The following ARHGAP40 variants were observed in gnomAD, a reference collection of about 807,000 sequenced individuals.
The protein encoded by ARHGAP40 is Rho GTPase activating protein 40.
Under a neutral mutation model 73.5 loss-of-function variants are expected in ARHGAP40, and 43 were observed. The ratio of observed to expected loss-of-function variants is 0.58; its 90% CI spans 0.46 to 0.75. The LOEUF is 0.75. Ranked by LOEUF, ARHGAP40 falls within the 30% of genes least tolerant of loss-of-function variation. ARHGAP40 has a pLI of 0.00. For missense variants in ARHGAP40, 734 were observed against 861.8 expected, an observed-to-expected ratio of 0.85 and a Z score of 1.86; for synonymous variants, 300 against 352.8, an observed-to-expected ratio of 0.85 and a Z score of 1.68.
At chr20:38,633,122 C>CA (rs55980432) in intron 5 of ARHGAP40, among the ~76,000 whole-genome samples, 7,919 of 135,400 alleles carry the variant, frequency 0.058, 332 homozygotes, top group African/African-American at 0.14. Context: ...GACTCCGTCT[C>CA]AAAAAAAAAA....
At chr20:38,602,490 G>A (rs1601129069) in intron 1 of ARHGAP40, among the ~76,000 whole-genome samples, 2 of 152,252 alleles carry the variant, frequency 1.3e-5, no homozygotes, top group South Asian at 2.1e-4. Context: ...TGGTCACCTC[G>A]GCTGAGAACT....
chr20:38,647,732 AACAG>A (rs1368482337), intron 13 of ARHGAP40, among the ~76,000 whole-genome samples: 1 of 152,232 alleles, frequency 6.6e-6, no homozygotes, highest in African/African-American at 2.4e-5. Flanking sequence ...CCATGAAAAG[AACAG>A]ACAGAGGCCC....
intron 2 of ARHGAP40, among the ~76,000 whole-genome samples, chr20:38,625,403 C>A (rs1015107566): frequency 6.6e-6 from 1 of 151,030 alleles, no homozygotes; most frequent in Non-Finnish European, 1.5e-5. Context: ...TTTTTTTTTC[C>A]TTTCTTTTCT....
chr20:38,614,875 T>A, intron 1 of ARHGAP40: 1 of 1,207,740 alleles, frequency 8.3e-7, no homozygotes, highest in Non-Finnish European at 1.2e-6. Flanking sequence ...GTCCTGAGCG[T>A]CACATCCCCC....
In ARHGAP40 at chr20:38,629,496, C is replaced by T; in HGVS notation, c.635-6C>T. The T allele has an allele frequency of 7.7e-7, 1 of 1,305,338 alleles. No homozygotes were observed. The highest frequency in any genetic ancestry group is 1.5e-5 in the African/African-American group (1 of 66,008). 80.9% of individuals were successfully genotyped at this position (1,305,338 alleles called of 1,614,324 possible). A position where few individuals can be genotyped will look rare whatever the true frequency, so the allele number is the denominator to read the frequency against. On this transcript the variant is annotated splice_region_variant and splice_polypyrimidine_tract_variant and intron_variant, in intron 4 of 14. Coordinates refer to ENST00000373345, the Ensembl canonical transcript of ARHGAP40. ...CTTTCTCTGCTTTGTTTCCCCCGCC[C>T]CGCAGCAGCAGAGCCTGGGGGGCTG...
intron 1 of ARHGAP40, among the ~76,000 whole-genome samples, chr20:38,605,766 CA>C (rs2088767628): frequency 2.0e-5 from 3 of 152,290 alleles, no homozygotes; most frequent in Admixed American, 2.0e-4. Context: ...ATCTATGATC[CA>C]ATCCATGCAC....
chr20:38,617,150 C>T (rs2088845455), intron 1 of ARHGAP40, among the ~76,000 whole-genome samples: 1 of 152,176 alleles, frequency 6.6e-6, no homozygotes, highest in Admixed American at 6.5e-5. Context: ...CAGGTCCAGG[C>T]TGAGCTGACC....
rs150541438 is a variant in ARHGAP40 at position 38,628,333 on chromosome 20, C to T, written c.559-594C>T. 8.9e-3 allele frequency among the ~76,000 whole-genome samples: 1,354 copies of T among 151,750 alleles called. 22 individuals are homozygous for T. Among genetic ancestry groups the T allele is most frequent in the African/African-American group, 0.031 (1,277 of 41,318 alleles). ...CCTTTTTTTTTTTTTGAGACTGAGCCTCGCTCTGTCGCCCAGGCTAGAGTG... is the reference window on the plus strand; with the variant it reads ...CCTTTTTTTTTTTTTGAGACTGAGCTTCGCTCTGTCGCCCAGGCTAGAGTG... On this transcript the variant is annotated intron_variant, in intron 3 of 14. Transcript: ENST00000373345.
chr20:38,619,147 C>T (rs1203636631), intron 1 of ARHGAP40, among the ~76,000 whole-genome samples: 4 of 152,094 alleles, frequency 2.6e-5, no homozygotes, highest in African/African-American at 9.7e-5. Context: ...CAGGACATTC[C>T]AGGCAGAGGG....
chr20:38,621,736 T>G (rs1468308131), intron 1 of ARHGAP40, among the ~76,000 whole-genome samples: 1 of 152,212 alleles, frequency 6.6e-6, no homozygotes, highest in East Asian at 1.9e-4. Context: ...CATATTGATT[T>G]TATAAGGGAA....
chr20:38,649,924 A>G, exon 15 of ARHGAP40: 1 of 1,090,018 alleles, frequency 9.2e-7, no homozygotes, highest in Non-Finnish European at 1.3e-6. Context: ...ACCCAGCATG[A>G]GAACAAAGCT....
chr20:38,627,320 G>A, intron 3 of ARHGAP40, 105 bp downstream of exon 3: 1 of 1,043,538 alleles, frequency 9.6e-7, no homozygotes, highest in Non-Finnish European at 1.3e-6. Flanking sequence ...GTGTTGGTGT[G>A]TGTATGTGTG....
chr20:38,603,874 T>C (rs1429220350), intron 1 of ARHGAP40, among the ~76,000 whole-genome samples: 1 of 152,200 alleles, frequency 6.6e-6, no homozygotes, highest in African/African-American at 2.4e-5. Flanking sequence ...GACTCTGACC[T>C]CCACAGTCAT....
intron 7 of ARHGAP40, among the ~76,000 whole-genome samples, 180 bp from the exon 8 acceptor site, chr20:38,638,581 G>A (rs975150412): frequency 1.3e-5 from 2 of 152,166 alleles, no homozygotes; most frequent in Non-Finnish European, 2.9e-5. Flanking sequence ...TGAGAAAAAT[G>A]TGTATGAAGC....
intron 10 of ARHGAP40, among the ~76,000 whole-genome samples, chr20:38,642,110 T>A (rs2089022445): frequency 6.6e-6 from 1 of 152,200 alleles, no homozygotes; most frequent in Non-Finnish European, 1.5e-5. Context: ...AGGTTAAGAA[T>A]ACTTTTCTCC....
At chr20:38,637,313 T>C (rs2088981214) in intron 6 of ARHGAP40, among the ~76,000 whole-genome samples, 1 of 152,058 alleles carries the variant, frequency 6.6e-6, no homozygotes, top group African/African-American at 2.4e-5. Context: ...ACTCAGCTAA[T>C]TTTTTGTGTG....
Position 38,646,303 on chromosome 20 carries a change from G to C in ARHGAP40, c.1710+116G>C. 1 of 1,131,860 alleles carries C rather than the reference G, an allele frequency of 8.8e-7. No homozygotes were observed. Among genetic ancestry groups the C allele is most frequent in the South Asian group, 1.7e-5 (1 of 60,148 alleles). 70.1% of individuals were successfully genotyped at this position (1,131,860 alleles called of 1,614,324 possible). A position where few individuals can be genotyped will look rare whatever the true frequency, so the allele number is the denominator to read the frequency against. The stretch of plus-strand genomic sequence containing the variant: ...CTACCGGGCTGCCAGCAACGGCCCA[G>C]TGAGGCCACCAGGGGGCGTTGCGGC... On this transcript the variant is annotated intron_variant, in intron 12 of 14. Coordinates refer to ENST00000373345, the Ensembl canonical transcript of ARHGAP40. The surrounding 1 kb of genome is among the most constrained non-coding windows in gnomAD (Gnocchi z 4.5).
At chr20:38,608,835 C>T (rs766277791) in intron 1 of ARHGAP40, among the ~76,000 whole-genome samples, 22 of 152,128 alleles carry the variant, frequency 1.4e-4, no homozygotes, top group Non-Finnish European at 3.1e-4. Flanking sequence ...GACTGTGATC[C>T]TTTCTGGAGG....
exon 15 of ARHGAP40, chr20:38,649,903 TG>T (rs1454584083): frequency 3.6e-5 from 43 of 1,190,684 alleles, no homozygotes; most frequent in Admixed American, 2.3e-5. Flanking sequence ...CTGCTGGCTC[TG>T]TGTCCATGTA....
Sources: gnomAD v4.1 joint callset for allele counts (sites outside exome capture counted in the v4.1 genomes callset) on GRCh38, gnomAD v4.1.1 for gene constraint, Gnocchi (gnomAD v3.1) non-coding constraint, MANE v1.5 for transcripts, NCBI Gene and HGNC (gene_info 2026-07-23, HGNC 2026-07-21) for gene names.